The following ARFGEF1 variants were observed in gnomAD, a reference collection of about 807,000 sequenced individuals.
ARFGEF1 encodes ARF guanine nucleotide exchange factor 1, also known as brefeldin A-inhibited guanine nucleotide-exchange protein 1.
In ARFGEF1, 42 loss-of-function variants were observed where a neutral mutation model predicts 231.0. The ratio of observed to expected loss-of-function variants is 0.18; its 90% CI spans 0.14 to 0.24. ARFGEF1 has a LOEUF of 0.24. Ranked by LOEUF, ARFGEF1 falls within the 10% of genes least tolerant of loss-of-function variation. ARFGEF1 has a pLI of 1.00. For synonymous variants in ARFGEF1, 710 were observed against 732.3 expected, an observed-to-expected ratio of 0.97 and a Z score of 0.49; for missense variants, 1,345 against 2,192.0, an observed-to-expected ratio of 0.61 and a Z score of 7.72.
chr8:67,234,800 G>A (rs1011419570), intron 22 of ARFGEF1, among the ~76,000 whole-genome samples: 6 of 151,930 alleles, frequency 3.9e-5, no homozygotes, highest in Non-Finnish European at 7.4e-5. Flanking sequence ...AAAAAATATT[G>A]AAATCAGAGA....
At chr8:67,297,801 T>G (rs886780382) in intron 4 of ARFGEF1, among the ~76,000 whole-genome samples, 4 of 66,040 alleles carry the variant, frequency 6.1e-5, no homozygotes, top group Non-Finnish European at 9.1e-5. Context: ...GATCAACCCG[T>G]TTTTTTTTTT....
At chr8:67,341,125 T>A (rs1483663054) in intron 1 of ARFGEF1, among the ~76,000 whole-genome samples, 2 of 152,126 alleles carry the variant, frequency 1.3e-5, no homozygotes, top group Non-Finnish European at 1.5e-5. Flanking sequence ...GATTTAAACC[T>A]AGGATCTCAG....
intron 2 of ARFGEF1, among the ~76,000 whole-genome samples, chr8:67,302,209 T>C (rs1806523821): frequency 6.6e-6 from 1 of 152,066 alleles, no homozygotes; most frequent in Non-Finnish European, 1.5e-5. Context: ...CAAAAAAATA[T>C]ATGCATACAT....
downstream of ARFGEF1, chr8:67,195,825 A>G: frequency 4.1e-6 from 2 of 483,856 alleles, no homozygotes; most frequent in Admixed American, 7.0e-5. Context: ...GTCATAAATT[A>G]GGGTGGTAAT....
chr8:67,238,253 TCTC>T, intron 22 of ARFGEF1, 87 bp downstream of exon 22: 2 of 1,337,748 alleles, frequency 1.5e-6, no homozygotes, highest in South Asian at 1.6e-5. Flanking sequence ...CATTTTATCT[TCTC>T]CTTCTAATTA....
intron 5 of ARFGEF1, chr8:67,179,764 G>T: frequency 2.6e-6 from 2 of 768,020 alleles, no homozygotes; most frequent in Non-Finnish European, 2.2e-6. Flanking sequence ...TCTGCTTTTA[G>T]GGAGAACAGT....
intron 19 of ARFGEF1, among the ~76,000 whole-genome samples, chr8:67,241,302 T>C (rs1487133385): frequency 1.3e-5 from 2 of 152,214 alleles, no homozygotes; most frequent in East Asian, 1.9e-4. Flanking sequence ...TCTATTATAT[T>C]TGAACTGCCA....
chr8:67,194,066 TCTC>T (rs1227184358), downstream of ARFGEF1, among the ~76,000 whole-genome samples: 1 of 150,074 alleles, frequency 6.7e-6, no homozygotes, highest in East Asian at 1.9e-4. Context: ...AAGCTAGTCG[TCTC>T]CTCATTATGA....
At chr8:67,282,040 T>C (rs1805557437) in intron 7 of ARFGEF1, among the ~76,000 whole-genome samples, 1 of 152,140 alleles carries the variant, frequency 6.6e-6, no homozygotes, top group Non-Finnish European at 1.5e-5. Flanking sequence ...AAGTAAGCTT[T>C]AATTTTTGAA....
At chr8:67,233,460 C>A (rs918035582) in intron 22 of ARFGEF1, among the ~76,000 whole-genome samples, 3 of 151,988 alleles carry the variant, frequency 2.0e-5, no homozygotes, top group African/African-American at 7.2e-5. Context: ...AGGAGAATAA[C>A]AATATTCCCA....
chr8:67,287,277 C>A (rs1350549981), intron 7 of ARFGEF1, among the ~76,000 whole-genome samples: 2 of 152,142 alleles, frequency 1.3e-5, no homozygotes, highest in African/African-American at 4.8e-5. Context: ...TACATAACAG[C>A]CCCCAGTAAA....
chr8:67,310,501 C>G (rs1291318246), intron 1 of ARFGEF1, among the ~76,000 whole-genome samples: 4 of 152,214 alleles, frequency 2.6e-5, no homozygotes, highest in Non-Finnish European at 5.9e-5. Flanking sequence ...GAGATTGGAG[C>G]CTCTGCCCGG....
At chr8:67,343,043 G>A (rs919000801) in intron 1 of ARFGEF1, 121 bp downstream of exon 1, 4 of 1,178,524 alleles carry the variant, frequency 3.4e-6, no homozygotes, top group Non-Finnish European at 4.7e-6. Context: ...GCTCCGCGAG[G>A]GCTTCCCGAG....
intron 1 of ARFGEF1, among the ~76,000 whole-genome samples, chr8:67,339,239 T>C (rs538042360): frequency 6.6e-6 from 1 of 152,306 alleles, no homozygotes; most frequent in South Asian, 2.1e-4. Context: ...TATTTTCCCA[T>C]ATACCTCCTG....
chr8:67,231,776 TTC>T (rs1331895708), intron 23 of ARFGEF1, among the ~76,000 whole-genome samples: 2 of 152,070 alleles, frequency 1.3e-5, no homozygotes, highest in African/African-American at 2.4e-5. Flanking sequence ...TTTAATCTTT[TTC>T]TGTCTCAGTT....
chr8:67,299,848 G>A, intron 3 of ARFGEF1, among the ~76,000 whole-genome samples: 1 of 152,056 alleles, frequency 6.6e-6, no homozygotes, highest in Non-Finnish European at 1.5e-5. Context: ...CATGCCTATA[G>A]TCCCAGCTAC....
At chr8:67,281,202 A>T (rs1805520433) in intron 7 of ARFGEF1, among the ~76,000 whole-genome samples, 1 of 152,156 alleles carries the variant, frequency 6.6e-6, no homozygotes, top group African/African-American at 2.4e-5. Context: ...GAAATTAGAG[A>T]AGACTGCAAT....
At chr8:67,227,822 C>T (rs1563850326) in intron 25 of ARFGEF1, 141 bp downstream of exon 25, 1 of 844,344 alleles carries the variant, frequency 1.2e-6, no homozygotes, top group Non-Finnish European at 1.7e-6. Flanking sequence ...AAGAAAAACA[C>T]CATTCACAGG....
chr8:67,310,510 G>A (rs531072650), intron 1 of ARFGEF1, among the ~76,000 whole-genome samples: 6 of 152,312 alleles, frequency 3.9e-5, no homozygotes, highest in African/African-American at 1.4e-4. Context: ...GCCTCTGCCC[G>A]GCCACCACCC....
Sources: allele counts gnomAD v4.1 joint callset (sites outside exome capture counted in the v4.1 genomes callset), GRCh38; gene constraint gnomAD v4.1.1; transcripts MANE v1.5; gene names NCBI Gene and HGNC (gene_info 2026-07-23, HGNC 2026-07-21).